Variants in NCOR2 observed in about 807,000 individuals in gnomAD.
The protein encoded by NCOR2 is nuclear receptor corepressor 2, also known as CTG repeat protein 26.
Under a neutral mutation model 262.9 loss-of-function variants are expected in NCOR2, and 81 were observed. The ratio of observed to expected loss-of-function variants is 0.31; its 90% confidence interval spans 0.26 to 0.37. The LOEUF (loss-of-function observed/expected upper bound fraction) is 0.37, where lower values mean the gene tolerates loss of function less well. NCOR2 is among the 10% of genes least tolerant of loss of function. NCOR2 has a pLI of 1.00. For missense variants in NCOR2, 3,385 were observed against 3,621.4 expected (o/e 0.93, Z 1.68); for synonymous variants, 1,659 against 1,559.3 (o/e 1.06, Z -1.51).
chr12:124,400,806 G>C (rs559565363), intron 14 of NCOR2, 133 bp from the exon 17 acceptor site: 17 of 1,178,606 alleles, frequency 1.4e-5, no homozygotes, highest in Non-Finnish European at 1.9e-5. Flanking sequence ...CTAGGAAAGA[G>C]GGGGAGAGGC....
At chr12:124,511,296 G>A (rs566809340) in intron 1 of NCOR2, among the ~76,000 whole-genome samples, 33 of 152,316 alleles carry the variant, frequency 2.2e-4, no homozygotes, top group African/African-American at 7.5e-4. Flanking sequence ...CCAAGTGGCC[G>A]AGAACTCTGA....
intron 14 of NCOR2, among the ~76,000 whole-genome samples, chr12:124,401,844 G>A (rs189076795): frequency 7.2e-5 from 11 of 152,312 alleles, no homozygotes; most frequent in Non-Finnish European, 1.6e-4. Context: ...GGTACCTGGC[G>A]CTAAGTCGTG....
Position 124,476,480 on chromosome 12 carries a change from T to C in NCOR2, c.412-3349A>G, listed in dbSNP as rs563137721. Among the ~76,000 whole-genome samples, 77 of 152,270 alleles carry C rather than the reference T, an allele frequency of 5.1e-4. 1 individual carries two copies. The highest frequency in any genetic ancestry group is 1.5e-3 in the East Asian group (8 of 5,182). ...GACAAGGATGTGGAAGGAAGGGCTA[T>C]GGGGGCCAGGCCACCCTAAAACTCT... On this transcript the variant is annotated intron_variant, in intron 3 of 46. Transcript: ENST00000405201.
At chr12:124,501,160 G>A (rs917545748) in intron 1 of NCOR2, among the ~76,000 whole-genome samples, 11 of 151,824 alleles carry the variant, frequency 7.2e-5, no homozygotes, top group Non-Finnish European at 1.5e-5. Context: ...GCCCCCCTGG[G>A]GTGGGCGGAA....
At chr12:124,359,684 G>C (rs550090959) in intron 22 of NCOR2, among the ~76,000 whole-genome samples, 4 of 152,360 alleles carry the variant, frequency 2.6e-5, no homozygotes, top group Non-Finnish European at 4.4e-5. Context: ...GGAGAGAGAG[G>C]AGGGGAGCTG....
In NCOR2 at chr12:124,457,223, A is replaced by G. The variant is rs1196681818; in HGVS notation, c.706-61T>C. 14 of 1,486,726 alleles carry G rather than the reference A, an allele frequency of 9.4e-6. No individual in the cohort carries two copies. The highest frequency in any genetic ancestry group is 1.5e-5 in the African/African-American group (1 of 67,282). 92.1% of individuals were successfully genotyped at this position (1,486,726 alleles called of 1,614,324 possible). ...AAAAACAAAAAAACACAGATTATAA[A>G]TAGAGGCTTCCCGGAGCAGCGGGCA... On this transcript the variant is annotated intron_variant, in intron 5 of 46. Transcript: ENST00000405201. This position sits in a 1 kb window ranked among gnomAD's most constrained non-coding sequence, Gnocchi z 4.0.
chr12:124,346,604 G>T, exon 31 of NCOR2: 1 of 1,585,162 alleles, frequency 6.3e-7, no homozygotes. Context: ...CGGGGCCAGG[G>T]GCAGCTCGGG....
chr12:124,350,760 G>T (rs74456809), intron 27 of NCOR2, 23 bp from the exon 30 acceptor site: 4 of 1,600,126 alleles, frequency 2.5e-6, no homozygotes, highest in African/African-American at 2.7e-5. Context: ...AGGGGTGAGC[G>T]CCCAGGAGGC....
At chr12:124,480,483 A>T (rs1359742492) in intron 3 of NCOR2, among the ~76,000 whole-genome samples, 1 of 152,206 alleles carries the variant, frequency 6.6e-6, no homozygotes, top group Non-Finnish European at 1.5e-5. Flanking sequence ...CTGGAGAGAG[A>T]ACAAGCCTCC....
intron 20 of NCOR2, among the ~76,000 whole-genome samples, chr12:124,370,358 A>T (rs1289736848): frequency 2.0e-5 from 3 of 152,080 alleles, no homozygotes; most frequent in African/African-American, 7.2e-5. Context: ...ACCTATAGAG[A>T]TCCGGGTGAA....
chr12:124,336,740 A>G lies in NCOR2; in HGVS notation c.6115+13T>C. The G allele has an allele frequency of 3.1e-6, 5 of 1,611,880 alleles. No homozygotes were observed. The highest frequency in any genetic ancestry group is 2.5e-6 in the Non-Finnish European group (3 of 1,179,366). On this transcript the variant is annotated intron_variant, in intron 38 of 46. Transcript: ENST00000405201. ...CGCGTCTATGAAGGTGGCCGCTGTC[A>G]GGGTGGTCTTACCCAGAGAACGGAG...
At chr12:124,442,826 G>T (rs144212307) in intron 7 of NCOR2, among the ~76,000 whole-genome samples, 1 of 152,250 alleles carries the variant, frequency 6.6e-6, no homozygotes, top group Non-Finnish European at 1.5e-5. Flanking sequence ...AGGTTACTGG[G>T]GTGGGCCCTA....
chr12:124,363,994 G>A (rs866355407), intron 20 of NCOR2, among the ~76,000 whole-genome samples, 195 bp from the exon 23 acceptor site: 45 of 152,314 alleles, frequency 3.0e-4, no homozygotes, highest in Middle Eastern at 6.8e-3. Flanking sequence ...AAGATTTGGG[G>A]CCAGGGGAGG....
At chr12:124,350,121 C>A (rs2037319447) in intron 28 of NCOR2, among the ~76,000 whole-genome samples, 1 of 152,152 alleles carries the variant, frequency 6.6e-6, no homozygotes, top group Non-Finnish European at 1.5e-5. Flanking sequence ...CACTCGATTC[C>A]CTTAACTCCT....
chr12:124,502,214 G>GGAA (rs2048779134), intron 1 of NCOR2, among the ~76,000 whole-genome samples: 2 of 152,232 alleles, frequency 1.3e-5, no homozygotes, highest in Admixed American at 1.3e-4. Context: ...CAGCCAATGA[G>GGAA]GAAGGGGGTG....
At chr12:124,396,416 T>C (rs2041660011) in intron 16 of NCOR2, among the ~76,000 whole-genome samples, 1 of 152,212 alleles carries the variant, frequency 6.6e-6, no homozygotes, top group Non-Finnish European at 1.5e-5. Context: ...TTGCAGCCTA[T>C]AATGAAATAC....
intron 7 of NCOR2, among the ~76,000 whole-genome samples, chr12:124,444,032 T>G (rs1330866285): frequency 6.6e-6 from 1 of 152,068 alleles, no homozygotes; most frequent in Non-Finnish European, 1.5e-5. Context: ...CACTCAAACC[T>G]TCCTTCCCGC....
At chr12:124,415,946 T>C (rs1208548313) in intron 13 of NCOR2, among the ~76,000 whole-genome samples, 1 of 151,856 alleles carries the variant, frequency 6.6e-6, no homozygotes, top group Admixed American at 6.6e-5. Flanking sequence ...CAAGTAAGAG[T>C]TGTGTGGCAT....
intron 21 of NCOR2, 69 bp from the exon 24 acceptor site, chr12:124,362,366 T>C (rs1020838030): frequency 5.4e-6 from 7 of 1,298,922 alleles, no homozygotes; most frequent in African/African-American, 1.5e-5. Flanking sequence ...GGGAGAGACA[T>C]GCACGCGACC....
Sources: gnomAD v4.1 joint callset for allele counts (sites outside exome capture counted in the v4.1 genomes callset) on GRCh38, gnomAD v4.1.1 for gene constraint, Gnocchi (gnomAD v3.1) non-coding constraint, MANE v1.5 for transcripts, NCBI Gene and HGNC (gene_info 2026-07-23, HGNC 2026-07-21) for gene names.